PDZRN4: variants seen among roughly 807,000 people sequenced by gnomAD.
PDZRN4 encodes PDZ domain-containing RING finger protein 4.
A neutral mutation model predicts 99.0 loss-of-function variants in PDZRN4; 70 were observed. The ratio of observed to expected loss-of-function variants is 0.71; its 90% CI spans 0.58 to 0.86. PDZRN4 has a LOEUF of 0.86. Among genes scored for constraint, PDZRN4 ranks in the 40% least tolerant of loss-of-function variants. PDZRN4 has a pLI of 0.00. For synonymous variants in PDZRN4, 551 were observed against 501.6 expected (o/e 1.10, Z -1.32); for missense variants, 1,474 against 1,331.2 (o/e 1.11, Z -1.67).
intron 3 of PDZRN4, among the ~76,000 whole-genome samples, chr12:41,211,754 A>C (rs1019287803): frequency 1.3e-5 from 2 of 152,022 alleles, no homozygotes; most frequent in African/African-American, 4.8e-5. Flanking sequence ...AAATCAGTTT[A>C]GGCAAAATAA....
At position 41,486,671 on chromosome 12, in the gene PDZRN4, A is replaced by G. The variant is rs114782332; in HGVS notation, c.844-19785A>G. Reference sequence around the variant, plus strand: ...ACCAAATGGGAATGTGAATGATGAAAATAGAGAAAAAAAAATCAGAGTAAG... The same window carrying G: ...ACCAAATGGGAATGTGAATGATGAAGATAGAGAAAAAAAAATCAGAGTAAG... On this transcript the variant is annotated intron_variant, in intron 3 of 9. Coordinates refer to ENST00000402685, the MANE Select transcript of PDZRN4 (RefSeq NM_001164595.2). Among the ~76,000 whole-genome samples the G allele has an allele frequency of 3.6e-3, 542 of 152,204 alleles. 8 individuals are homozygous for G. Among genetic ancestry groups the G allele is most frequent in the African/African-American group, 0.013 (525 of 41,540 alleles).
chr12:41,405,503 T>C (rs1433020361), intron 3 of PDZRN4, among the ~76,000 whole-genome samples: 1 of 152,214 alleles, frequency 6.6e-6, no homozygotes, highest in Non-Finnish European at 1.5e-5. Flanking sequence ...CTGGTATGAA[T>C]GTAAATCAGT....
intron 3 of PDZRN4, among the ~76,000 whole-genome samples, chr12:41,221,068 A>G (rs1288794432): frequency 1.3e-5 from 2 of 152,214 alleles, no homozygotes; most frequent in Admixed American, 6.5e-5. Context: ...GCATCCATGC[A>G]ATTGGCCTTG....
At chr12:41,426,961 C>A (rs755173705) in intron 3 of PDZRN4, among the ~76,000 whole-genome samples, 21 of 152,310 alleles carry the variant, frequency 1.4e-4, no homozygotes, top group South Asian at 8.3e-4. Context: ...CTTGAAAAAT[C>A]TTCCCAGCTG....
chr12:41,468,014 A>G (rs951556988), intron 3 of PDZRN4, among the ~76,000 whole-genome samples: 1 of 152,204 alleles, frequency 6.6e-6, no homozygotes, highest in African/African-American at 2.4e-5. Flanking sequence ...CAGGCATTGC[A>G]TTTTGATGGT....
At chr12:41,510,035 G>T in intron 5 of PDZRN4, 122 bp downstream of exon 5, 1 of 504,008 alleles carries the variant, frequency 2.0e-6, no homozygotes, top group Non-Finnish European at 3.5e-6. Context: ...TCCAGTGTAA[G>T]ATCTTTCAAA....
intron 3 of PDZRN4, among the ~76,000 whole-genome samples, chr12:41,461,643 T>G (rs1398675288): frequency 6.6e-6 from 1 of 152,196 alleles, no homozygotes; most frequent in African/African-American, 2.4e-5. Flanking sequence ...ATTAAAATTT[T>G]GGGATCAAGA....
chr12:41,318,794 C>A (rs1951655708), intron 3 of PDZRN4, among the ~76,000 whole-genome samples: 1 of 152,134 alleles, frequency 6.6e-6, no homozygotes, highest in African/African-American at 2.4e-5. Context: ...AGTAGGAAGT[C>A]TCTTCCTGTT....
At chr12:41,227,911 AC>A (rs1566375587) in intron 3 of PDZRN4, among the ~76,000 whole-genome samples, 1 of 146,676 alleles carries the variant, frequency 6.8e-6, no homozygotes, top group Non-Finnish European at 1.5e-5. Context: ...ACACACACAC[AC>A]ACACACACCA....
chr12:41,570,613 T>C (rs1939456106), intron 9 of PDZRN4, among the ~76,000 whole-genome samples: 1 of 152,140 alleles, frequency 6.6e-6, no homozygotes, highest in Admixed American at 6.6e-5. Context: ...TCTTCTTGTA[T>C]TTTTCAGCTC....
At chr12:41,412,794 A>G (rs1224386480) in intron 3 of PDZRN4, among the ~76,000 whole-genome samples, 1 of 152,172 alleles carries the variant, frequency 6.6e-6, no homozygotes, top group Non-Finnish European at 1.5e-5. Context: ...TCTATTTTAT[A>G]ATAGCCATAA....
intron 3 of PDZRN4, among the ~76,000 whole-genome samples, chr12:41,371,878 C>T (rs1399707547): frequency 2.6e-5 from 4 of 152,066 alleles, no homozygotes; most frequent in Non-Finnish European, 5.9e-5. Flanking sequence ...CCCAGATTAA[C>T]CTAGCTAATT....
intron 3 of PDZRN4, among the ~76,000 whole-genome samples, chr12:41,476,052 C>T (rs890361208): frequency 1.3e-5 from 2 of 152,220 alleles, no homozygotes; most frequent in African/African-American, 2.4e-5. Flanking sequence ...CATACACACA[C>T]AGGGAGCATA....
intron 3 of PDZRN4, among the ~76,000 whole-genome samples, chr12:41,458,227 G>A (rs1353224963): frequency 6.6e-6 from 1 of 152,090 alleles, no homozygotes; most frequent in African/African-American, 2.4e-5. Context: ...GCACAATCTC[G>A]ACTCACTGCA....
intron 3 of PDZRN4, among the ~76,000 whole-genome samples, chr12:41,257,097 A>G (rs1199452532): frequency 6.6e-6 from 1 of 152,052 alleles, no homozygotes; most frequent in Non-Finnish European, 1.5e-5. Flanking sequence ...ACCCCAACCA[A>G]CCTATACTCC....
chr12:41,432,905 CGT>C (rs1208184772), intron 3 of PDZRN4, among the ~76,000 whole-genome samples: 2 of 152,116 alleles, frequency 1.3e-5, no homozygotes, highest in African/African-American at 2.4e-5. Context: ...AAAAAAGAAT[CGT>C]GTATTCAAAT....
intron 3 of PDZRN4, among the ~76,000 whole-genome samples, chr12:41,408,715 A>G (rs1165235788): frequency 6.6e-6 from 1 of 151,666 alleles, no homozygotes; most frequent in East Asian, 1.9e-4. Flanking sequence ...AAATGAAGAA[A>G]CTATTTTTCT....
chr12:41,228,912 G>A (rs1325078005), intron 3 of PDZRN4, among the ~76,000 whole-genome samples: 1 of 152,002 alleles, frequency 6.6e-6, no homozygotes, highest in Non-Finnish European at 1.5e-5. Flanking sequence ...TTAAAAATCA[G>A]ACAGAAGAAG....
intron 9 of PDZRN4, among the ~76,000 whole-genome samples, chr12:41,571,309 T>G (rs1043707491): frequency 6.7e-6 from 1 of 149,210 alleles, no homozygotes; most frequent in Non-Finnish European, 1.5e-5. Context: ...GTTAATTGTT[T>G]TACATGAAAG....
Sources: gnomAD v4.1 joint callset for allele counts (sites outside exome capture counted in the v4.1 genomes callset) on GRCh38, gnomAD v4.1.1 for gene constraint, MANE v1.5 for transcripts, NCBI Gene and HGNC (gene_info 2026-07-23, HGNC 2026-07-21) for gene names.